PDE10A: variants seen among roughly 807,000 people sequenced by gnomAD.
The protein encoded by PDE10A is phosphodiesterase 10A.
In PDE10A, 39 loss-of-function variants were observed where a neutral mutation model predicts 97.7. The ratio of observed to expected loss-of-function variants is 0.40; its 90% CI spans 0.31 to 0.52. PDE10A has a LOEUF of 0.52. Among genes scored for constraint, PDE10A ranks in the 20% least tolerant of loss-of-function variants. The probability of loss-of-function intolerance (pLI) is 0.56; values close to 1 mark genes in which losing one functional copy is unlikely to be tolerated. For synonymous variants in PDE10A, 371 were observed against 376.8 expected (o/e 0.98, Z 0.18); for missense variants, 731 against 1,047.8 (o/e 0.70, Z 4.17).
chr6:165,964,138 T>C (rs924338917), intron 1 of PDE10A, among the ~76,000 whole-genome samples: 13 of 152,346 alleles, frequency 8.5e-5, no homozygotes, highest in African/African-American at 2.9e-4. Flanking sequence ...CCCTATAATA[T>C]TTAACCCACT....
intron 18 of PDE10A, among the ~76,000 whole-genome samples, chr6:165,345,468 C>T (rs1782245140): frequency 6.6e-6 from 1 of 152,276 alleles, no homozygotes; most frequent in Admixed American, 6.5e-5. Flanking sequence ...CATGGCTATA[C>T]AGAAATATTA....
intron 1 of PDE10A, among the ~76,000 whole-genome samples, chr6:165,972,610 G>A (rs953827318): frequency 1.3e-5 from 2 of 152,188 alleles, no homozygotes; most frequent in Non-Finnish European, 2.9e-5. Context: ...GGACAGTGAT[G>A]ACAGGAGTCT....
At chr6:165,678,075 A>G (rs1329877688) in intron 1 of PDE10A, among the ~76,000 whole-genome samples, 2 of 146,088 alleles carry the variant, frequency 1.4e-5, no homozygotes, top group South Asian at 2.3e-4. Flanking sequence ...GTGTGTTTGT[A>G]TAGCTATGTG....
At chr6:165,533,832 G>C (rs929217108) in intron 2 of PDE10A, among the ~76,000 whole-genome samples, 14 of 110,002 alleles carry the variant, frequency 1.3e-4, no homozygotes, top group Non-Finnish European at 2.5e-4. Flanking sequence ...AATCAATATA[G>C]TTTGCAACAA....
chr6:165,694,158 C>T (rs1186764897), intron 1 of PDE10A, among the ~76,000 whole-genome samples: 2 of 152,110 alleles, frequency 1.3e-5, no homozygotes, highest in Non-Finnish European at 2.9e-5. Flanking sequence ...CTTTGGGGGC[C>T]GTGCACACGT....
intron 2 of PDE10A, among the ~76,000 whole-genome samples, chr6:165,517,929 T>A (rs1331802051): frequency 1.3e-5 from 2 of 152,234 alleles, no homozygotes; most frequent in Non-Finnish European, 2.9e-5. Flanking sequence ...TGTCCGGTGC[T>A]AATCCTTACA....
chr6:165,535,171 C>T (rs1426289047), intron 2 of PDE10A, among the ~76,000 whole-genome samples: 1 of 151,638 alleles, frequency 6.6e-6, no homozygotes, highest in Non-Finnish European at 1.5e-5. Flanking sequence ...AAAATGAAAT[C>T]GAGAAAGCAA....
intron 13 of PDE10A, among the ~76,000 whole-genome samples, chr6:165,409,892 T>TTTG (rs1393128481): frequency 6.6e-6 from 1 of 151,582 alleles, no homozygotes; most frequent in Non-Finnish European, 1.5e-5. Context: ...TCAGAAGTTT[T>TTTG]TTTTTTTTTT....
intron 17 of PDE10A, among the ~76,000 whole-genome samples, chr6:165,381,884 T>C (rs1784959703): frequency 6.6e-6 from 1 of 152,118 alleles, no homozygotes; most frequent in African/African-American, 2.4e-5. Context: ...ACAAACAGTA[T>C]CTTCTTTAAA....
In PDE10A at chr6:165,661,205, G is replaced by C. The variant is rs1272966278; in HGVS notation, c.865+742C>G. On this transcript the variant is annotated intron_variant, in intron 1 of 21. Coordinates refer to ENST00000539869, the MANE Select transcript of PDE10A (RefSeq NM_001385079.1). The surrounding 1 kb of genome is among the most constrained non-coding windows in gnomAD (Gnocchi z 4.8). Reference sequence around the variant, plus strand: ...CAGTGGGCCCGGGGGCGCATCCTGCGAGTCGGAGGCGGCGGCGCCTTTCTC... The same window carrying C: ...CAGTGGGCCCGGGGGCGCATCCTGCCAGTCGGAGGCGGCGGCGCCTTTCTC... 6.5e-6 allele frequency: 1 copy of C among 152,776 alleles called. No homozygotes were observed. Among genetic ancestry groups the C allele is most frequent in the Non-Finnish European group, 1.5e-5 (1 of 68,534 alleles). 9.5% of individuals were successfully genotyped at this position (152,776 alleles called of 1,614,324 possible).
chr6:165,665,249 TTC>T (rs1415204634), upstream of PDE10A, among the ~76,000 whole-genome samples: 4 of 152,230 alleles, frequency 2.6e-5, no homozygotes, highest in African/African-American at 9.6e-5. Flanking sequence ...TTCAGCCACT[TTC>T]TTTTCTTCAT....
chr6:165,494,729 T>C (rs1780439943), intron 2 of PDE10A, among the ~76,000 whole-genome samples: 2 of 152,130 alleles, frequency 1.3e-5, no homozygotes, highest in South Asian at 4.1e-4. Flanking sequence ...GATAATTTCC[T>C]TGAGGTTTAA....
intron 18 of PDE10A, among the ~76,000 whole-genome samples, chr6:165,350,361 A>G (rs759785550): frequency 9.9e-5 from 15 of 152,136 alleles, no homozygotes; most frequent in Non-Finnish European, 2.2e-4. Flanking sequence ...TGGGGCATGT[A>G]ACCCCTTTGT....
chr6:165,682,659 C>CCCCTTGATCTCAGACTT (rs143265079), intron 1 of PDE10A, among the ~76,000 whole-genome samples: 192 of 152,262 alleles, frequency 1.3e-3, no homozygotes, highest in African/African-American at 4.2e-3. Flanking sequence ...AATCTGCCAG[C>CCCCTTGATCTCAGACTT]CCCTTGATCT....
intron 1 of PDE10A, among the ~76,000 whole-genome samples, chr6:165,924,860 C>A (rs573214847): frequency 6.6e-6 from 1 of 152,216 alleles, no homozygotes; most frequent in African/African-American, 2.4e-5. Context: ...TAGGGCCAGG[C>A]ACAGTTCTTA....
intron 3 of PDE10A, among the ~76,000 whole-genome samples, chr6:165,466,818 CAT>C (rs1324323997): frequency 6.6e-6 from 1 of 152,120 alleles, no homozygotes; most frequent in Non-Finnish European, 1.5e-5. Flanking sequence ...GAAAGAGTCA[CAT>C]GTGTTTCACT....
At chr6:165,869,311 A>G (rs888897210) in intron 1 of PDE10A, among the ~76,000 whole-genome samples, 1 of 150,998 alleles carries the variant, frequency 6.6e-6, no homozygotes, top group Non-Finnish European at 1.5e-5. Context: ...AACCTAGCTG[A>G]AAAAAAATCC....
Position 165,905,981 on chromosome 6 carries a change from C to CTCCT in PDE10A, c.-615+81544_-615+81547dup, listed in dbSNP as rs1159735811. Among the ~76,000 whole-genome samples the CTCCT allele has an allele frequency of 2.6e-3, 240 of 92,586 alleles. 7 individuals are homozygous for CTCCT. The highest frequency in any genetic ancestry group is 3.2e-3 in the African/African-American group (85 of 26,552). 60.7% of individuals were successfully genotyped at this position (92,586 alleles called of 152,430 possible). ...TTGTTCCTTTTTACCTTCCCTTTTT[C>CTCCT]TCCTTCCTTCCTTCCTTCCTTCCTT... On this transcript the variant is annotated intron_variant, in intron 1 of 19. Transcript: ENST00000366882.
intron 1 of PDE10A, among the ~76,000 whole-genome samples, chr6:165,777,982 G>C (rs1368374613): frequency 6.6e-6 from 1 of 152,044 alleles, no homozygotes; most frequent in African/African-American, 2.4e-5. Context: ...TCTCAAGAAT[G>C]ATACATTACT....
Sources: gnomAD v4.1 joint callset for allele counts (sites outside exome capture counted in the v4.1 genomes callset) on GRCh38, gnomAD v4.1.1 for gene constraint, Gnocchi (gnomAD v3.1) non-coding constraint, MANE v1.5 for transcripts, NCBI Gene and HGNC (gene_info 2026-07-23, HGNC 2026-07-21) for gene names.